The following HSF5 variants were observed in gnomAD, a reference collection of about 807,000 sequenced individuals.
HSF5 encodes the protein heat shock transcription factor 5.
Under a neutral mutation model 50.8 loss-of-function variants are expected in HSF5, and 5 were observed. That is an observed-to-expected ratio of 0.10 (90% CI 0.05 to 0.21). The LOEUF (loss-of-function observed/expected upper bound fraction) is 0.21. Ranked by LOEUF, HSF5 falls within the 10% of genes least tolerant of loss-of-function variation. The pLI, the probability that HSF5 is intolerant of heterozygous loss-of-function variation, is 1.00. For synonymous variants in HSF5, 307 were observed against 307.4 expected (o/e 1.00, Z 0.02); for missense variants, 564 against 762.6 (o/e 0.74, Z 3.07).
chr17:58,476,253 T>A (rs943530736), intron 2 of HSF5: 54 of 927,126 alleles, frequency 5.8e-5, no homozygotes, highest in Admixed American at 4.3e-4. Context: ...CATCATCATC[T>A]TCTTCTCCTT....
chr17:58,473,208 G>T (rs191186759), intron 2 of HSF5, among the ~76,000 whole-genome samples: 1 of 152,046 alleles, frequency 6.6e-6, no homozygotes, highest in African/African-American at 2.4e-5. Flanking sequence ...AGGATTAAAT[G>T]AGTGAATATT....
chr17:58,422,287 C>G lies in HSF5; in HGVS notation c.*73G>C. 1.9e-6 allele frequency: 2 copies of G among 1,068,180 alleles called. No homozygotes were observed. The highest frequency in any genetic ancestry group is 2.8e-6 in the Non-Finnish European group (2 of 711,946). The allele number at this position is 1,068,180 out of a possible 1,614,324, so 66.2% of individuals were successfully genotyped here. A position where few individuals can be genotyped will look rare whatever the true frequency, so the allele number is the denominator to read the frequency against. ...CTTAACAGAACTGAAAAAATCCCAA[C>G]AGTTTGTCATGTGCAAGGCTAGTCT... On this transcript the variant is annotated 3_prime_UTR_variant, in exon 6 of 6. Transcript: ENST00000323777.
chr17:58,457,672 T>C (rs1974732287), intron 5 of HSF5, among the ~76,000 whole-genome samples: 2 of 152,248 alleles, frequency 1.3e-5, no homozygotes, highest in South Asian at 4.1e-4. Flanking sequence ...AATTTCCTGA[T>C]GTTTAAAATG....
chr17:58,423,858 T>C (rs939708495), intron 5 of HSF5, among the ~76,000 whole-genome samples: 5 of 152,322 alleles, frequency 3.3e-5, no homozygotes, highest in Middle Eastern at 6.8e-3. Context: ...GCACAAACCC[T>C]TTATTTCATT....
At chr17:58,447,585 T>G (rs1443245328) in intron 5 of HSF5, among the ~76,000 whole-genome samples, 2 of 151,846 alleles carry the variant, frequency 1.3e-5, no homozygotes, top group South Asian at 2.1e-4. Flanking sequence ...GGACTTTACT[T>G]GAGAACCCAG....
At chr17:58,476,348 T>C (rs2143800327) in intron 2 of HSF5, 6 of 1,103,566 alleles carry the variant, frequency 5.4e-6, no homozygotes, top group Admixed American at 1.7e-5. Flanking sequence ...AACTCATCAG[T>C]ACCTGCATCA....
chr17:58,446,277 G>A (rs1418903459), intron 5 of HSF5, among the ~76,000 whole-genome samples: 2 of 152,118 alleles, frequency 1.3e-5, no homozygotes, highest in Non-Finnish European at 2.9e-5. Context: ...AAGAAATCAG[G>A]TGATGAATCA....
intron 5 of HSF5, among the ~76,000 whole-genome samples, chr17:58,450,601 A>G (rs1974626463): frequency 6.7e-6 from 1 of 150,334 alleles, no homozygotes; most frequent in Admixed American, 6.6e-5. Flanking sequence ...TAAAAATATA[A>G]AATTAGCTGG....
rs988866856 is a variant in HSF5, at chr17:58,422,110, A to C, written c.*250T>G. 1.2e-5 allele frequency: 5 copies of C among 415,256 alleles called. No homozygotes were observed. The highest frequency in any genetic ancestry group is 2.2e-5 in the Non-Finnish European group (5 of 230,296). The allele number at this position is 415,256 out of a possible 1,614,324, so 25.7% of individuals were successfully genotyped here. A position where few individuals can be genotyped will look rare whatever the true frequency, so the allele number is the denominator to read the frequency against. ...ACAGAAGGTCAGAACTTTTCATTTA[A>C]AAGGGATCTGGGCAGCCAAAAAACG... On this transcript the variant is annotated 3_prime_UTR_variant, in exon 6 of 6. Coordinates refer to ENST00000323777, the MANE Select transcript of HSF5 (RefSeq NM_001080439.3).
Position 58,441,492 on chromosome 17 carries a change from C to T in HSF5, c.1720+17276G>A, listed in dbSNP as rs907804543. On this transcript the variant is annotated intron_variant, in intron 5 of 5. Transcript: ENST00000323777. ...AGAAGAAAGTAAACCCAAAGTGATA[C>T]GAGAAAGGAAATAATATAGATAAGA... Among the ~76,000 whole-genome samples, 8 of 151,410 alleles carry T rather than the reference C, an allele frequency of 5.3e-5. No homozygotes were observed. The South Asian group carries it at 8.3e-4, about 16-fold the overall frequency.
At chr17:58,465,860 A>C (rs1974859158) in intron 3 of HSF5, among the ~76,000 whole-genome samples, 1 of 152,218 alleles carries the variant, frequency 6.6e-6, no homozygotes, top group South Asian at 2.1e-4. Flanking sequence ...AGAAACAATG[A>C]GAAGATATTT....
intron 1 of HSF5, among the ~76,000 whole-genome samples, chr17:58,482,709 CAAAAAA>C (rs34783781): frequency 0.028 from 379 of 13,386 alleles, no homozygotes; most frequent in African/African-American, 0.043. Flanking sequence ...GACTCCATCT[CAAAAAA>C]AAAAAAAAAA....
chr17:58,471,559 T>C (rs1974943110), intron 2 of HSF5, among the ~76,000 whole-genome samples: 1 of 152,112 alleles, frequency 6.6e-6, no homozygotes, highest in African/African-American at 2.4e-5. Context: ...CATACGTATT[T>C]TTTAACCTAG....
At chr17:58,431,337 C>T (rs1974362616) in intron 5 of HSF5, among the ~76,000 whole-genome samples, 1 of 152,148 alleles carries the variant, frequency 6.6e-6, no homozygotes. Flanking sequence ...CAGCAAGTTA[C>T]TATGCTGAAC....
chr17:58,459,408 G>A (rs930777729), intron 4 of HSF5, among the ~76,000 whole-genome samples: 2 of 152,036 alleles, frequency 1.3e-5, no homozygotes, highest in African/African-American at 4.8e-5. Context: ...AGCACTTTGG[G>A]AGGCCAAGGT....
At chr17:58,433,345 A>C (rs1974387791) in intron 5 of HSF5, among the ~76,000 whole-genome samples, 4 of 152,190 alleles carry the variant, frequency 2.6e-5, no homozygotes, top group Admixed American at 2.0e-4. Flanking sequence ...AAAAGGTAGA[A>C]TATATTAAGC....
At chr17:58,452,124 G>A (rs993739878) in intron 5 of HSF5, among the ~76,000 whole-genome samples, 1 of 151,570 alleles carries the variant, frequency 6.6e-6, no homozygotes, top group African/African-American at 2.4e-5. Context: ...TGTCACACAC[G>A]AGGAGTCCTA....
Position 58,473,052 on chromosome 17 carries a change from G to C in HSF5, c.926-6073C>G, listed in dbSNP as rs963475041. Among the ~76,000 whole-genome samples, 7 of 152,272 alleles carry C rather than the reference G, an allele frequency of 4.6e-5. No homozygotes were observed. In the East Asian group the frequency reaches 5.8e-4, roughly 13 times the overall value. Reference sequence around the variant, plus strand: ...TCATGAGAGGCAGGCAGACAGGCAGGGGGGCAGGCGAGCACAGTGGCCAAA... The same window carrying C: ...TCATGAGAGGCAGGCAGACAGGCAGCGGGGCAGGCGAGCACAGTGGCCAAA... On this transcript the variant is annotated intron_variant, in intron 2 of 5. Coordinates refer to ENST00000323777, the MANE Select transcript of HSF5 (RefSeq NM_001080439.3).
intron 5 of HSF5, among the ~76,000 whole-genome samples, chr17:58,454,201 C>A (rs996500054): frequency 2.0e-5 from 3 of 150,614 alleles, no homozygotes; most frequent in African/African-American, 7.3e-5. Flanking sequence ...CGAGAAACAC[C>A]CAAGAATGAT....
Sources: gnomAD v4.1 joint callset for allele counts (sites outside exome capture counted in the v4.1 genomes callset) on GRCh38, gnomAD v4.1.1 for gene constraint, MANE v1.5 for transcripts, NCBI Gene and HGNC (gene_info 2026-07-23, HGNC 2026-07-21) for gene names.